The following BEGAIN variants were observed in gnomAD, a reference collection of about 807,000 sequenced individuals.
BEGAIN encodes brain-enriched guanylate kinase-associated protein.
In BEGAIN, 19 loss-of-function variants were observed where a neutral mutation model predicts 35.8. The observed-to-expected ratio is 0.53, with a 90% confidence interval of 0.37 to 0.78. BEGAIN has a LOEUF of 0.78. Among genes scored for constraint, BEGAIN ranks in the 30% least tolerant of loss-of-function variants. The probability of loss-of-function intolerance (pLI) is 0.00; values close to 1 mark genes in which losing one functional copy is unlikely to be tolerated. For synonymous variants in BEGAIN, 462 were observed against 388.6 expected (o/e 1.19, Z -2.22); for missense variants, 795 against 853.6 (o/e 0.93, Z 0.85).
Position 100,568,184 on chromosome 14 carries a change from C to T in BEGAIN, c.43-245G>A. On this transcript the variant is annotated intron_variant, in intron 1 of 6. Coordinates refer to ENST00000554140, the MANE Select transcript of BEGAIN (RefSeq NM_001385089.1). This position sits in a 1 kb window ranked among gnomAD's most constrained non-coding sequence, Gnocchi z 7.5. ...CCGCCGCGCTCCCCGCACCGAGTTACGCCCCCCGGGGCGAAGAAGGGGCCG... is the reference window on the plus strand; with the variant it reads ...CCGCCGCGCTCCCCGCACCGAGTTATGCCCCCCGGGGCGAAGAAGGGGCCG... The T allele has an allele frequency of 4.8e-6, 4 of 833,308 alleles. No homozygotes were observed. Among genetic ancestry groups the T allele is most frequent in the Non-Finnish European group, 5.8e-6 (4 of 685,502 alleles). 51.6% of individuals were successfully genotyped at this position (833,308 alleles called of 1,614,324 possible).
intron 2 of BEGAIN, among the ~76,000 whole-genome samples, chr14:100,551,279 G>A (rs768360479): frequency 9.2e-5 from 14 of 152,176 alleles, no homozygotes; most frequent in Non-Finnish European, 1.6e-4. Context: ...GCGCCCAGAC[G>A]AGTGCCCTCT....
intron 1 of BEGAIN, chr14:100,569,603 C>T (rs1025349615): frequency 1.0e-4 from 16 of 154,570 alleles, no homozygotes; most frequent in African/African-American, 3.9e-4. Context: ...CCAGGACACC[C>T]CCAGCACCCA....
chr14:100,583,162 A>G (rs1182652631), intron 1 of BEGAIN, among the ~76,000 whole-genome samples: 1 of 150,088 alleles, frequency 6.7e-6, no homozygotes, highest in Non-Finnish European at 1.5e-5. Context: ...CCATCCCTCC[A>G]TGTCTGTCCA....
rs770839056 is a variant in BEGAIN at position 100,539,203 on chromosome 14, A to G, written c.605T>C (p.Ile202Thr). 3.0e-5 allele frequency: 47 copies of G among 1,582,830 alleles called. No individual in the cohort carries two copies. The highest frequency in any genetic ancestry group is 3.8e-5 in the Non-Finnish European group (44 of 1,163,222). The change falls in exon 7 of 7, where the codon ATT (isoleucine) becomes ACT (threonine). Residue 202 changes from isoleucine (I) to threonine (T), a missense_variant. Ile to Thr is a moderately conservative substitution (Grantham distance 89). Transcript: ENST00000554140. ...GTCCGGCTTCTCCAGCACCTTGGCA[A>G]TGACGCAGGTGGGGACGCTGTCGGC... ...AYADSVPTCV[I>T]AKVLEKPDPA...
Position 100,538,864 on chromosome 14 carries a change from G to A in BEGAIN, c.944C>T (p.Thr315Met), listed in dbSNP as rs1001947059. ...GCTGAAGCTGGAGTAGGAGCTGGAC[G>A]TGGGCAGTGAGCCTGCGTAGCTGGG... ...AFPSYAGSLP[T>M]SSSYSSFSAT... The change falls in exon 7 of 7, where the codon ACG (threonine) becomes ATG (methionine). Residue 315 changes from threonine to methionine, a missense_variant. Around this residue, in one of 3 missense-constraint regions of BEGAIN, gnomAD observed 664 missense variants for 647.7 expected, o/e 1.03. Transcript: ENST00000554140. 3.7e-6 allele frequency: 6 copies of A among 1,607,860 alleles called. No homozygotes were observed. Among genetic ancestry groups the A allele is most frequent in the Non-Finnish European group, 5.1e-6 (6 of 1,178,438 alleles).
At chr14:100,581,504 A>T (rs1789484377) in intron 1 of BEGAIN, among the ~76,000 whole-genome samples, 1 of 151,930 alleles carries the variant, frequency 6.6e-6, no homozygotes. Context: ...GACTCATCTG[A>T]TTCAGTCCTG....
intron 1 of BEGAIN, among the ~76,000 whole-genome samples, chr14:100,585,866 G>T (rs2035433664): frequency 6.6e-6 from 1 of 152,258 alleles, no homozygotes; most frequent in Admixed American, 6.5e-5. Context: ...GCTGGGGAGG[G>T]CCCTTGGCGG....
intron 2 of BEGAIN, among the ~76,000 whole-genome samples, chr14:100,566,410 G>A (rs1337117060): frequency 1.3e-5 from 2 of 152,216 alleles, no homozygotes; most frequent in Admixed American, 6.5e-5. Context: ...GGGAAGGAGG[G>A]AAAGAGAAAG....
intron 5 of BEGAIN, among the ~76,000 whole-genome samples, chr14:100,542,280 C>T (rs143711385): frequency 3.0e-4 from 46 of 152,362 alleles, no homozygotes; most frequent in African/African-American, 1.0e-3. Flanking sequence ...GCAAGCCAGC[C>T]GGCCAGGGCA....
Position 100,567,858 on chromosome 14 carries a change from C to T in BEGAIN, c.71+53G>A. 6.9e-7 allele frequency: 1 copy of T among 1,452,254 alleles called. No homozygotes were observed. The highest frequency in any genetic ancestry group is 9.2e-7 in the Non-Finnish European group (1 of 1,091,944). 90.0% of individuals were successfully genotyped at this position (1,452,254 alleles called of 1,614,324 possible). On this transcript the variant is annotated intron_variant, in intron 2 of 6. Transcript: ENST00000554140. This position sits in a 1 kb window ranked among gnomAD's most constrained non-coding sequence, Gnocchi z 5.1. ...CCCTTCCCCCGCCTTCCCCAGCGCCCTCACCCCCGACCCGGCCCCCGCGAG... is the reference window on the plus strand; with the variant it reads ...CCCTTCCCCCGCCTTCCCCAGCGCCTTCACCCCCGACCCGGCCCCCGCGAG...
intron 2 of BEGAIN, among the ~76,000 whole-genome samples, chr14:100,553,265 G>A (rs757584207): frequency 3.9e-5 from 6 of 152,038 alleles, no homozygotes; most frequent in Admixed American, 6.5e-5. Context: ...TGCCCCTCCC[G>A]CCGCCTCTCA....
chr14:100,584,247 T>C (rs2035387474), intron 1 of BEGAIN, among the ~76,000 whole-genome samples: 1 of 152,158 alleles, frequency 6.6e-6, no homozygotes. Context: ...ATTGAACCAA[T>C]GACTGCAATT....
rs560492875 is a variant in BEGAIN at position 100,545,371 on chromosome 14, C to T, written c.234-305G>A. 7.2e-5 allele frequency: 87 copies of T among 1,211,692 alleles called. No homozygotes were observed. The South Asian group carries it at 1.7e-3, about 23-fold the overall frequency. The allele number at this position is 1,211,692 out of a possible 1,614,324, so 75.1% of individuals were successfully genotyped here. A position where few individuals can be genotyped will look rare whatever the true frequency, so the allele number is the denominator to read the frequency against. On this transcript the variant is annotated intron_variant, in intron 3 of 6. Transcript: ENST00000554140. Reference sequence around the variant, plus strand: ...CAAGAGACTCTGTCCCATCCACACGCGGAGCCAGTTTACTCACATTTGACC... The same window carrying T: ...CAAGAGACTCTGTCCCATCCACACGTGGAGCCAGTTTACTCACATTTGACC...
In BEGAIN at chr14:100,568,281, C is replaced by T; in HGVS notation, c.43-342G>A. On this transcript the variant is annotated intron_variant, in intron 1 of 6. Coordinates refer to ENST00000554140, the MANE Select transcript of BEGAIN (RefSeq NM_001385089.1). This position sits in a 1 kb window ranked among gnomAD's most constrained non-coding sequence, Gnocchi z 7.5. ...GGGGGACTCGGCCTGTCCCCGTTAA[C>T]TCTCCGGCGGCCGCGGCCCCGCTGC... 2 of 712,266 alleles carry T rather than the reference C, an allele frequency of 2.8e-6. No individual in the cohort carries two copies. The highest frequency in any genetic ancestry group is 4.1e-6 in the Non-Finnish European group (2 of 491,246). 44.1% of individuals were successfully genotyped at this position (712,266 alleles called of 1,614,324 possible).
intron 2 of BEGAIN, among the ~76,000 whole-genome samples, chr14:100,559,412 C>T (rs540927642): frequency 6.6e-6 from 1 of 152,352 alleles, no homozygotes; most frequent in Admixed American, 6.5e-5. Flanking sequence ...GACAGATGGC[C>T]ATGGGCCGGC....
chr14:100,550,502 T>C, intron 2 of BEGAIN: 1 of 399,070 alleles, frequency 2.5e-6, no homozygotes, highest in Non-Finnish European at 4.4e-6. Flanking sequence ...ACCCAGGGGC[T>C]GCGCAGCCTG....
intron 3 of BEGAIN, chr14:100,545,370 G>A (rs548178363): frequency 1.1e-5 from 13 of 1,217,984 alleles, no homozygotes; most frequent in Non-Finnish European, 1.3e-5. Context: ...CCATCCACAC[G>A]CGGAGCCAGT....
At chr14:100,578,289 ACT>A (rs1443837084) in intron 1 of BEGAIN, among the ~76,000 whole-genome samples, 1 of 152,080 alleles carries the variant, frequency 6.6e-6, no homozygotes, top group Admixed American at 6.5e-5. Context: ...CCCCTCTCCT[ACT>A]CTCACATCTC....
At position 100,538,440 on chromosome 14, in the gene BEGAIN, G is replaced by A; in HGVS notation, c.1368C>T (p.Gly456=). The change falls in exon 7 of 7, where the codon GGC becomes GGT. Residue 456 remains glycine (G), a synonymous_variant. Coordinates refer to ENST00000554140, the MANE Select transcript of BEGAIN (RefSeq NM_001385089.1). ...CAGAGAAGCTGCAGGGTGAGGCGCG[G>A]CCGGCAGCGCTCACGGGGTAGGAGT... ...GAYSYPVSAA[G]RASPCSFSER... 1 of 1,588,674 alleles carries A rather than the reference G, an allele frequency of 6.3e-7. No individual in the cohort carries two copies. The highest frequency in any genetic ancestry group is 8.5e-7 in the Non-Finnish European group (1 of 1,169,610).
Sources: gnomAD v4.1 joint callset for allele counts (sites outside exome capture counted in the v4.1 genomes callset) on GRCh38, gnomAD v4.1.1 for gene constraint, gnomAD v4.1.1 regional missense constraint, Gnocchi (gnomAD v3.1) non-coding constraint, MANE v1.5 for transcripts, NCBI Gene and HGNC (gene_info 2026-07-23, HGNC 2026-07-21) for gene names.